The following ANXA4 variants were observed in gnomAD, a reference collection of about 807,000 sequenced individuals.
ANXA4 encodes 35-beta calcimedin.
Under a neutral mutation model 49.8 loss-of-function variants are expected in ANXA4, and 39 were observed. That is an observed-to-expected ratio of 0.78 (90% CI 0.61 to 1.02). ANXA4 has a LOEUF of 1.02. Ranked by LOEUF, ANXA4 falls within the 50% of genes least tolerant of loss-of-function variation. The probability of loss-of-function intolerance (pLI) is 0.00; values close to 1 mark genes in which losing one functional copy is unlikely to be tolerated. For missense variants in ANXA4, 360 were observed against 410.1 expected, an observed-to-expected ratio of 0.88 and a Z score of 1.05; for synonymous variants, 134 against 152.5, an observed-to-expected ratio of 0.88 and a Z score of 0.89.
At chr2:69,704,593 T>C (rs573329119) in intron 2 of ANXA4, among the ~76,000 whole-genome samples, 10 of 152,338 alleles carry the variant, frequency 6.6e-5, no homozygotes, top group African/African-American at 2.4e-4. Context: ...TGTGTGTTTC[T>C]CATCATGCCG....
intron 7 of ANXA4, among the ~76,000 whole-genome samples, chr2:69,812,300 G>A (rs769829807): frequency 8.5e-5 from 13 of 152,064 alleles, no homozygotes; most frequent in Non-Finnish European, 1.8e-4. Flanking sequence ...GTTGATCAAT[G>A]TAGATTTGCC....
At chr2:69,712,688 A>G (rs929956992) in intron 2 of ANXA4, among the ~76,000 whole-genome samples, 33 of 152,168 alleles carry the variant, frequency 2.2e-4, no homozygotes, top group Non-Finnish European at 4.3e-4. Context: ...CAGACAGGCC[A>G]TGGGATCTAC....
At chr2:69,812,775 G>T in intron 8 of ANXA4, 66 bp downstream of exon 8, 2 of 1,381,678 alleles carry the variant, frequency 1.4e-6, no homozygotes, top group Non-Finnish European at 2.1e-6. Flanking sequence ...AGGCCTTAGT[G>T]GGTGGATAGC....
chr2:69,660,298 T>C (rs1315207108), intron 2 of ANXA4, among the ~76,000 whole-genome samples: 1 of 152,164 alleles, frequency 6.6e-6, no homozygotes, highest in Non-Finnish European at 1.5e-5. Context: ...GGGCCAATGG[T>C]AAACCCTAGA....
intron 3 of ANXA4, among the ~76,000 whole-genome samples, chr2:69,728,865 G>A (rs748365575): frequency 7.9e-5 from 12 of 152,070 alleles, no homozygotes; most frequent in Non-Finnish European, 1.6e-4. Flanking sequence ...TAAACTTTAG[G>A]ATAGGTTTGT....
chr2:69,824,124 T>G (rs1674358729), intron 12 of ANXA4, among the ~76,000 whole-genome samples: 1 of 151,958 alleles, frequency 6.6e-6, no homozygotes, highest in Admixed American at 6.6e-5. Flanking sequence ...GATTAAAAAA[T>G]TAATCAATTA....
intron 1 of ANXA4, among the ~76,000 whole-genome samples, chr2:69,745,555 G>A (rs1559135212): frequency 6.6e-6 from 1 of 151,914 alleles, no homozygotes; most frequent in South Asian, 2.1e-4. Context: ...TTTTGAGACA[G>A]AGTCTTTCTC....
At chr2:69,681,967 G>A (rs115670252) in intron 2 of ANXA4, among the ~76,000 whole-genome samples, 102 of 152,062 alleles carry the variant, frequency 6.7e-4, no homozygotes, top group African/African-American at 2.4e-3. Flanking sequence ...ATCCTAAGTG[G>A]CTGGGACCAC....
At chr2:69,704,290 C>A (rs182267118) in intron 2 of ANXA4, among the ~76,000 whole-genome samples, 1 of 152,058 alleles carries the variant, frequency 6.6e-6, no homozygotes, top group Non-Finnish European at 1.5e-5. Flanking sequence ...TATTTTCTAA[C>A]GAGCCATTTT....
chr2:69,763,780 A>G (rs1671391389), intron 1 of ANXA4, among the ~76,000 whole-genome samples: 1 of 150,820 alleles, frequency 6.6e-6, no homozygotes, highest in Non-Finnish European at 1.5e-5. Flanking sequence ...CTCCTGTCTC[A>G]GCCTCCTGAG....
chr2:69,756,663 G>A (rs558363274), intron 1 of ANXA4, among the ~76,000 whole-genome samples: 1 of 152,078 alleles, frequency 6.6e-6, no homozygotes, highest in East Asian at 1.9e-4. Context: ...GAATACAAAG[G>A]AAAAGATGGA....
intron 2 of ANXA4, among the ~76,000 whole-genome samples, chr2:69,680,719 T>C (rs1677567008): frequency 6.6e-6 from 1 of 152,196 alleles, no homozygotes; most frequent in Non-Finnish European, 1.5e-5. Flanking sequence ...TGAAGGTATG[T>C]TGAATTTTAT....
chr2:69,759,012 T>A (rs1671167867), intron 1 of ANXA4, among the ~76,000 whole-genome samples: 1 of 151,752 alleles, frequency 6.6e-6, no homozygotes, highest in African/African-American at 2.4e-5. Flanking sequence ...GACGCATGCC[T>A]GTAATCCCAG....
intron 4 of ANXA4, among the ~76,000 whole-genome samples, chr2:69,805,740 T>C (rs1248112197): frequency 6.6e-6 from 1 of 152,206 alleles, no homozygotes; most frequent in Non-Finnish European, 1.5e-5. Context: ...TTTACATCGG[T>C]GTCTACAAAC....
intron 2 of ANXA4, among the ~76,000 whole-genome samples, chr2:69,656,850 A>G (rs772916700): frequency 3.9e-5 from 6 of 152,018 alleles, no homozygotes; most frequent in Non-Finnish European, 7.4e-5. Context: ...GGGCCTGCTC[A>G]TTAGTTCTTG....
intron 11 of ANXA4, among the ~76,000 whole-genome samples, chr2:69,819,796 G>C (rs530040619): frequency 6.6e-6 from 1 of 152,092 alleles, no homozygotes. Flanking sequence ...GGCCAGGTGC[G>C]GTGGCTCACG....
intron 2 of ANXA4, among the ~76,000 whole-genome samples, chr2:69,705,464 T>C (rs762931256): frequency 6.6e-6 from 1 of 152,232 alleles, no homozygotes; most frequent in Non-Finnish European, 1.5e-5. Flanking sequence ...CACTTTGGGA[T>C]GGCTCAGAGC....
At chr2:69,647,745 T>TG (rs1426398265) in intron 1 of ANXA4, among the ~76,000 whole-genome samples, 3 of 151,946 alleles carry the variant, frequency 2.0e-5, no homozygotes, top group African/African-American at 7.3e-5. Context: ...AAAATAGAGA[T>TG]GGGGTCTTGC....
At chr2:69,808,175 C>A in intron 6 of ANXA4, 179 bp downstream of exon 6, 1 of 594,262 alleles carries the variant, frequency 1.7e-6, no homozygotes, top group South Asian at 2.0e-5. Flanking sequence ...CTGTTGGCTC[C>A]TTAAGATTTC....
Sources: allele counts gnomAD v4.1 joint callset (sites outside exome capture counted in the v4.1 genomes callset), GRCh38; gene constraint gnomAD v4.1.1; transcripts MANE v1.5; gene names NCBI Gene and HGNC (gene_info 2026-07-23, HGNC 2026-07-21).